The following IL1RAPL1 variants were observed in gnomAD, a reference collection of about 807,000 sequenced individuals.
IL1RAPL1 encodes interleukin-1 receptor accessory protein-like 1.
In IL1RAPL1, 3 loss-of-function variants were observed where a neutral mutation model predicts 48.4. The observed-to-expected ratio is 0.06, with a 90% CI of 0.03 to 0.16. The LOEUF is 0.16. IL1RAPL1 is among the 10% of genes least tolerant of loss of function. IL1RAPL1 has a pLI of 1.00. For synonymous variants in IL1RAPL1, 185 were observed against 187.7 expected, an observed-to-expected ratio of 0.99 and a Z score of 0.12; for missense variants, 349 against 530.6, an observed-to-expected ratio of 0.66 and a Z score of 3.36.
intron 3 of IL1RAPL1, among the ~76,000 whole-genome samples, chrX:29,332,890 A>T (rs1932902978): frequency 9.1e-6 from 1 of 109,895 alleles, no homozygotes; most frequent in African/African-American, 3.3e-5. Context: ...TTAACAAAGC[A>T]CATCTTGCAC....
chrX:28,959,262 A>C (rs1027261242), intron 2 of IL1RAPL1, among the ~76,000 whole-genome samples: 4 of 111,916 alleles, frequency 3.6e-5, no homozygotes, highest in Non-Finnish European at 7.5e-5. Context: ...TTTTACATGC[A>C]AGGAAACATT....
At chrX:28,616,470 G>A (rs1363377214) in intron 1 of IL1RAPL1, among the ~76,000 whole-genome samples, 1 of 105,805 alleles carries the variant, frequency 9.5e-6, no homozygotes, top group East Asian at 2.9e-4. Flanking sequence ...TTTCACTCTT[G>A]TCACCCGGGC....
In IL1RAPL1 at chrX:29,955,165, C is replaced by A. The variant is rs1261746031; in HGVS notation, c.1436C>A (p.Pro479Gln). Residue 479 changes from proline to glutamine, a missense_variant, in exon 11 of 11, where the codon CCA becomes CAA. By Grantham distance (76) the Pro-to-Gln change is moderately conservative. Around this residue, in one of 3 missense-constraint regions of IL1RAPL1, gnomAD observed 46 missense variants for 113.3 expected, o/e 0.41. Transcript: ENST00000378993. ...QSKRLIIVMT[P>Q]NYVVRRGWSI... ...AAGCGGCTGATTATTGTCATGACCC[C>A]AAATTACGTAGTTAGAAGGGGCTGG... The A allele has an allele frequency of 3.3e-6, 4 of 1,208,762 alleles. No homozygotes were observed. Among genetic ancestry groups the A allele is most frequent in the Non-Finnish European group, 4.5e-6 (4 of 894,791 alleles).
At chrX:29,564,904 G>T (rs1922349137) in intron 5 of IL1RAPL1, among the ~76,000 whole-genome samples, 1 of 112,170 alleles carries the variant, frequency 8.9e-6, no homozygotes, top group South Asian at 3.7e-4. Context: ...GAGGCTGCAG[G>T]AAACACGTTT....
intron 2 of IL1RAPL1, among the ~76,000 whole-genome samples, chrX:29,167,942 T>C (rs1929818444): frequency 1.8e-5 from 2 of 111,242 alleles, no homozygotes; most frequent in Admixed American, 9.6e-5. Flanking sequence ...GGAAGTACTA[T>C]ACTAAAAAGC....
chrX:29,016,402 A>G (rs1926241145), intron 2 of IL1RAPL1, among the ~76,000 whole-genome samples: 2 of 111,583 alleles, frequency 1.8e-5, no homozygotes, highest in South Asian at 7.4e-4. Flanking sequence ...GTTTAGTCCA[A>G]TGGGATCATA....
chrX:29,537,562 CAATT>C (rs773928636), intron 5 of IL1RAPL1, among the ~76,000 whole-genome samples: 35 of 95,948 alleles, frequency 3.6e-4, no homozygotes, highest in Non-Finnish European at 5.9e-4. Context: ...AAAATGCAAA[CAATT>C]AAGATCAAAT....
intron 2 of IL1RAPL1, among the ~76,000 whole-genome samples, chrX:29,120,140 T>G (rs1395215371): frequency 8.9e-6 from 1 of 112,085 alleles, no homozygotes; most frequent in Non-Finnish European, 1.9e-5. Flanking sequence ...GCTCTTTAGT[T>G]TAGTTCGGTC....
At chrX:29,951,567 C>A (rs1933321910) in intron 9 of IL1RAPL1, among the ~76,000 whole-genome samples, 1 of 111,216 alleles carries the variant, frequency 9.0e-6, no homozygotes, top group African/African-American at 3.3e-5. Context: ...ATGAGTAGGG[C>A]CTAACCTAGA....
At chrX:29,355,532 T>TTTC (rs1484249404) in intron 3 of IL1RAPL1, among the ~76,000 whole-genome samples, 2 of 112,480 alleles carry the variant, frequency 1.8e-5, no homozygotes, top group East Asian at 5.6e-4. Context: ...ACAGCAATCA[T>TTTC]TTCTTTTTTC....
intron 2 of IL1RAPL1, among the ~76,000 whole-genome samples, chrX:28,969,738 G>A (rs1446845114): frequency 4.6e-5 from 5 of 107,657 alleles, no homozygotes; most frequent in African/African-American, 1.7e-4. Context: ...TTAGATATTC[G>A]GGAATGCAAA....
chrX:29,549,102 C>T (rs1280873845), intron 5 of IL1RAPL1, among the ~76,000 whole-genome samples: 1 of 111,815 alleles, frequency 8.9e-6, no homozygotes. Flanking sequence ...AGTAGTCTCT[C>T]CTGGTCCCTG....
intron 5 of IL1RAPL1, among the ~76,000 whole-genome samples, chrX:29,638,508 A>AT (rs1925049692): frequency 1.8e-5 from 2 of 111,089 alleles, no homozygotes; most frequent in African/African-American, 3.3e-5. Flanking sequence ...CTTTGAGTTT[A>AT]TTTTTTTTAA....
chrX:29,864,528 G>A (rs182779787), intron 6 of IL1RAPL1, among the ~76,000 whole-genome samples: 2 of 111,994 alleles, frequency 1.8e-5, no homozygotes, highest in African/African-American at 6.5e-5. Context: ...GGTGTAATTT[G>A]TGGTTTCCCC....
At chrX:29,758,395 T>C (rs1928668549) in intron 6 of IL1RAPL1, among the ~76,000 whole-genome samples, 1 of 110,810 alleles carries the variant, frequency 9.0e-6, no homozygotes, top group Admixed American at 9.6e-5. Context: ...GAAAGAAAAC[T>C]GAAAATGGAA....
intron 5 of IL1RAPL1, among the ~76,000 whole-genome samples, chrX:29,494,341 G>A (rs903854322): frequency 1.1e-4 from 12 of 112,067 alleles, no homozygotes; most frequent in Admixed American, 3.8e-4. Context: ...CATGATGTAT[G>A]TGTACCACAT....
chrX:28,749,830 T>A (rs1472842658), intron 1 of IL1RAPL1, among the ~76,000 whole-genome samples: 1 of 110,438 alleles, frequency 9.1e-6, no homozygotes, highest in African/African-American at 3.3e-5. Context: ...CTCAGCCCAA[T>A]GTTGTGAATC....
At chrX:29,348,154 G>A (rs1933176144) in intron 3 of IL1RAPL1, among the ~76,000 whole-genome samples, 1 of 112,063 alleles carries the variant, frequency 8.9e-6, no homozygotes, top group African/African-American at 3.2e-5. Flanking sequence ...ACTGTGGCCC[G>A]AAGAAAATAT....
chrX:29,200,108 G>A (rs1231786664), intron 2 of IL1RAPL1, among the ~76,000 whole-genome samples: 1 of 108,324 alleles, frequency 9.2e-6, no homozygotes, highest in Admixed American at 1.0e-4. Flanking sequence ...TTTTTAAGTT[G>A]TGTATTTAGA....
Sources: allele counts gnomAD v4.1 joint callset (sites outside exome capture counted in the v4.1 genomes callset), GRCh38; gene constraint gnomAD v4.1.1; regional missense constraint gnomAD v4.1.1; transcripts MANE v1.5; gene names NCBI Gene and HGNC (gene_info 2026-07-23, HGNC 2026-07-21).